SUMF1: variants seen among roughly 807,000 people sequenced by gnomAD.
SUMF1 encodes the protein formylglycine-generating enzyme.
A neutral mutation model predicts 47.6 loss-of-function variants in SUMF1; 48 were observed. The ratio of observed to expected loss-of-function variants is 1.01; its 90% confidence interval spans 0.80 to 1.28. The LOEUF is 1.28. SUMF1 is among the 50% of genes most tolerant of loss of function. The pLI, the probability that SUMF1 is intolerant of heterozygous loss-of-function variation, is 0.00. For synonymous variants in SUMF1, 230 were observed against 192.1 expected, an observed-to-expected ratio of 1.20 and a Z score of -1.63; for missense variants, 571 against 485.4, an observed-to-expected ratio of 1.18 and a Z score of -1.66.
At chr3:4,332,934 G>A (rs1355239876) in intron 8 of SUMF1, among the ~76,000 whole-genome samples, 2 of 152,194 alleles carry the variant, frequency 1.3e-5, no homozygotes, top group East Asian at 1.9e-4. Context: ...GTAGAACAGT[G>A]CAGCAGAGAA....
intron 8 of SUMF1, among the ~76,000 whole-genome samples, chr3:4,375,445 G>C (rs1434637404): frequency 6.6e-6 from 1 of 152,156 alleles, no homozygotes; most frequent in African/African-American, 2.4e-5. Context: ...GGGGGTGAGT[G>C]AGGAGCCAGA....
At chr3:4,125,626 C>T (rs1211244528) in intron 8 of SUMF1, among the ~76,000 whole-genome samples, 1 of 152,134 alleles carries the variant, frequency 6.6e-6, no homozygotes, top group Non-Finnish European at 1.5e-5. Flanking sequence ...ACATCTGTAA[C>T]TCTGTCAAAA....
rs990607599 is a variant in SUMF1 at position 4,410,723 on chromosome 3, C to T, written c.954+142G>A. ...CTGAGGTTGAAATAAGAAACATGCG[C>T]TTAATGTGCCTTTAGGGAAATCCCA... On this transcript the variant is annotated intron_variant, in intron 7 of 8. Coordinates refer to ENST00000272902, the MANE Select transcript of SUMF1 (RefSeq NM_182760.4). 1.3e-5 allele frequency: 10 copies of T among 765,414 alleles called. No individual in the cohort carries two copies. In the Admixed American group the frequency reaches 1.4e-4, roughly 11 times the overall value. The allele number at this position is 765,414 out of a possible 1,614,324, so 47.4% of individuals were successfully genotyped here.
At chr3:4,213,934 G>A (rs1354409718) in intron 8 of SUMF1, among the ~76,000 whole-genome samples, 1 of 152,098 alleles carries the variant, frequency 6.6e-6, no homozygotes, top group Non-Finnish European at 1.5e-5. Context: ...CCTACAAAGA[G>A]ACTCAGACTT....
intron 8 of SUMF1, among the ~76,000 whole-genome samples, chr3:4,115,132 G>A (rs973062847): frequency 6.6e-6 from 1 of 151,966 alleles, no homozygotes; most frequent in Non-Finnish European, 1.5e-5. Context: ...ACCTCGAGAG[G>A]AGCAGAGGAG....
chr3:4,206,766 T>A (rs534920375), intron 8 of SUMF1, among the ~76,000 whole-genome samples: 18 of 152,218 alleles, frequency 1.2e-4, no homozygotes, highest in African/African-American at 4.3e-4. Context: ...GAATAATTAC[T>A]GGAGGGTTCT....
chr3:4,271,144 C>A (rs1317698327), intron 8 of SUMF1, among the ~76,000 whole-genome samples: 2 of 152,162 alleles, frequency 1.3e-5, no homozygotes, highest in South Asian at 2.1e-4. Context: ...ATACCCACCA[C>A]CAATCACATT....
chr3:4,389,234 CTG>C (rs1700772557), intron 7 of SUMF1, among the ~76,000 whole-genome samples: 1 of 152,000 alleles, frequency 6.6e-6, no homozygotes, highest in African/African-American at 2.4e-5. Flanking sequence ...GATAAGGATT[CTG>C]GGTTAACAAT....
chr3:4,150,252 C>G (rs566485343), intron 8 of SUMF1, among the ~76,000 whole-genome samples: 8 of 151,652 alleles, frequency 5.3e-5, no homozygotes, highest in African/African-American at 1.7e-4. Flanking sequence ...TGCCACCATA[C>G]TAGCTAATTT....
intron 3 of SUMF1, among the ~76,000 whole-genome samples, chr3:4,428,242 C>A (rs6810288): frequency 0.024 from 3,664 of 152,198 alleles, 131 homozygotes; most frequent in African/African-American, 0.084. Context: ...TATATAGAGA[C>A]ACCCACCCAC....
intron 8 of SUMF1, among the ~76,000 whole-genome samples, chr3:4,265,846 G>A (rs922097934): frequency 3.3e-5 from 5 of 152,072 alleles, no homozygotes; most frequent in African/African-American, 4.8e-5. Flanking sequence ...TTTCTCCTAG[G>A]GTTTTTATGG....
At chr3:4,382,553 A>C (rs1252521635) in intron 7 of SUMF1, among the ~76,000 whole-genome samples, 1 of 152,214 alleles carries the variant, frequency 6.6e-6, no homozygotes, top group Non-Finnish European at 1.5e-5. Context: ...CATTTGACCC[A>C]GCAATCCCAT....
At chr3:4,319,337 A>G (rs1407433845) in intron 8 of SUMF1, among the ~76,000 whole-genome samples, 1 of 152,224 alleles carries the variant, frequency 6.6e-6, no homozygotes, top group Non-Finnish European at 1.5e-5. Flanking sequence ...CCATGAAAGA[A>G]GTATTTCACT....
chr3:4,113,328 A>G (rs1015524336), intron 8 of SUMF1, among the ~76,000 whole-genome samples: 3 of 152,174 alleles, frequency 2.0e-5, no homozygotes, highest in African/African-American at 7.2e-5. Flanking sequence ...CAGGAGTTCA[A>G]CCATCCTGGG....
chr3:4,141,490 G>A (rs1009489344), intron 8 of SUMF1, among the ~76,000 whole-genome samples: 4 of 151,978 alleles, frequency 2.6e-5, no homozygotes, highest in Non-Finnish European at 5.9e-5. Context: ...CTGAAAATCC[G>A]ACTTATTCAT....
At chr3:4,437,399 GA>G (rs985881337) in intron 3 of SUMF1, among the ~76,000 whole-genome samples, 3 of 152,006 alleles carry the variant, frequency 2.0e-5, no homozygotes, top group African/African-American at 7.3e-5. Context: ...TGACTTCTAA[GA>G]AGACAAGCAC....
chr3:4,370,673 G>A (rs1321681788), intron 8 of SUMF1, among the ~76,000 whole-genome samples: 3 of 152,086 alleles, frequency 2.0e-5, no homozygotes, highest in East Asian at 1.9e-4. Context: ...TGAAGACCCC[G>A]GTATATACAG....
At chr3:4,091,906 C>A (rs1210872606) in intron 8 of SUMF1, among the ~76,000 whole-genome samples, 1 of 150,912 alleles carries the variant, frequency 6.6e-6, no homozygotes, top group Non-Finnish European at 1.5e-5. Context: ...AAAAAACCAT[C>A]TTCCAGGGAC....
Position 4,059,168 on chromosome 3 carries a change from C to T in SUMF1, c.1191+9401G>A, listed in dbSNP as rs529027993. 3.3e-5 allele frequency among the ~76,000 whole-genome samples: 5 copies of T among 152,068 alleles called. No individual in the cohort carries two copies. The South Asian group carries it at 6.2e-4, about 19-fold the overall frequency. On this transcript the variant is annotated intron_variant and NMD_transcript_variant, in intron 9 of 12. Transcript: ENST00000448413. The stretch of plus-strand genomic sequence containing the variant: ...ACTTGTGTTTAAAAAAATAAAAAGG[C>T]GGCACTATTTAGCTTACTAAATTCA...
Sources: gnomAD v4.1 joint callset for allele counts (sites outside exome capture counted in the v4.1 genomes callset) on GRCh38, gnomAD v4.1.1 for gene constraint, MANE v1.5 for transcripts, NCBI Gene and HGNC (gene_info 2026-07-23, HGNC 2026-07-21) for gene names.